BCL9: variants seen among roughly 807,000 people sequenced by gnomAD.
BCL9 encodes B-cell CLL/lymphoma 9 protein.
Under a neutral mutation model 88.5 loss-of-function variants are expected in BCL9, and 25 were observed. The observed-to-expected ratio is 0.28, with a 90% confidence interval of 0.21 to 0.39. BCL9 has a LOEUF of 0.39. Among genes scored for constraint, BCL9 ranks in the 10% least tolerant of loss-of-function variants. The probability of loss-of-function intolerance (pLI) is 1.00; values close to 1 mark genes in which losing one functional copy is unlikely to be tolerated. For missense variants in BCL9, 1,817 were observed against 1,877.8 expected (o/e 0.97, Z 0.60); for synonymous variants, 711 against 673.3 (o/e 1.06, Z -0.87).
At chr1:147,606,624 T>G (rs1657723171) in intron 2 of BCL9, among the ~76,000 whole-genome samples, 160 bp from the exon 3 acceptor site, 2 of 152,180 alleles carry the variant, frequency 1.3e-5, no homozygotes, top group Admixed American at 1.3e-4. Flanking sequence ...CTTCAAAAAT[T>G]GGGAGTTGAT....
chr1:147,593,843 T>C (rs1656940493), intron 1 of BCL9, among the ~76,000 whole-genome samples: 1 of 152,226 alleles, frequency 6.6e-6, no homozygotes, highest in Non-Finnish European at 1.5e-5. Flanking sequence ...GATTCTGCTC[T>C]TGGGATATGG....
At chr1:147,605,987 C>G (rs1486948326) in intron 2 of BCL9, among the ~76,000 whole-genome samples, 1 of 152,180 alleles carries the variant, frequency 6.6e-6, no homozygotes, top group Non-Finnish European at 1.5e-5. Context: ...GTGAATTTAA[C>G]AACTTAATGG....
At chr1:147,612,383 G>T (rs1269148222) in intron 4 of BCL9, among the ~76,000 whole-genome samples, 2 of 152,188 alleles carry the variant, frequency 1.3e-5, no homozygotes, top group Non-Finnish European at 2.9e-5. Flanking sequence ...AATACTGCTT[G>T]TTGGGAGGGA....
intron 1 of BCL9, among the ~76,000 whole-genome samples, chr1:147,544,147 A>G (rs587608010): frequency 6.6e-5 from 10 of 152,344 alleles, no homozygotes; most frequent in South Asian, 2.1e-4. Context: ...TCTTGTTGGT[A>G]TGATCAACAT....
intron 7 of BCL9, among the ~76,000 whole-genome samples, chr1:147,616,593 C>T (rs1439351171): frequency 2.6e-5 from 4 of 152,016 alleles, no homozygotes; most frequent in African/African-American, 7.3e-5. Flanking sequence ...CAGTGAAACC[C>T]CGTCTTTACT....
At chr1:147,581,864 C>T (rs1439067262) in intron 1 of BCL9, among the ~76,000 whole-genome samples, 3 of 152,106 alleles carry the variant, frequency 2.0e-5, no homozygotes, top group Non-Finnish European at 4.4e-5. Flanking sequence ...TTCTGCTTTT[C>T]TTCTCTGACT....
chr1:147,611,394 C>T (rs1426134185), intron 3 of BCL9, among the ~76,000 whole-genome samples, 184 bp from the exon 4 acceptor site: 1 of 152,198 alleles, frequency 6.6e-6, no homozygotes, highest in Non-Finnish European at 1.5e-5. Flanking sequence ...AGTCACCCTC[C>T]AGCTGGTGTG....
chr1:147,618,967 C>A lies in BCL9; in HGVS notation c.812C>A (p.Pro271Gln), dbSNP rs782092791. The change falls in exon 8 of 10, where the codon CCA becomes CAA. Residue 271 changes from proline to glutamine, a missense_variant. By Grantham distance (76) the Pro-to-Gln change is moderately conservative. Transcript: ENST00000234739. ...PAPAPKPAAP[P>Q]RPLDRESPGV... ...CCAGCACCCAAGCCTGCCGCACCCC[C>A]ACGTCCCCTGGACCGGGAGAGTCCT... 2.0e-5 allele frequency: 33 copies of A among 1,613,724 alleles called. No homozygotes were observed. In the Admixed American group the frequency reaches 4.7e-4, roughly 23 times the overall value.
chr1:147,623,831 T>G lies in BCL9; in HGVS notation c.3164-11T>G, dbSNP rs782331403. The G allele has an allele frequency of 3.8e-6, 6 of 1,597,764 alleles. No individual in the cohort carries two copies. The highest frequency in any genetic ancestry group is 3.3e-4 in the Middle Eastern group (2 of 5,980). ...GTTAAGTTGATTCCTTTGATATCTTTATTTTTCTAGGAATGGGCATTAATA... is the reference window on the plus strand; with the variant it reads ...GTTAAGTTGATTCCTTTGATATCTTGATTTTTCTAGGAATGGGCATTAATA... On this transcript the variant is annotated splice_polypyrimidine_tract_variant and intron_variant, in intron 9 of 9. Transcript: ENST00000234739.
chr1:147,556,697 C>T (rs1655131957), intron 1 of BCL9, among the ~76,000 whole-genome samples: 1 of 152,078 alleles, frequency 6.6e-6, no homozygotes, highest in Non-Finnish European at 1.5e-5. Flanking sequence ...GATCCTCCCA[C>T]CTTGGCCCCC....
chr1:147,545,370 T>C (rs656323), intron 1 of BCL9, among the ~76,000 whole-genome samples: 25,679 of 152,162 alleles, frequency 0.17, 2,284 homozygotes, highest in Middle Eastern at 0.29. Flanking sequence ...GAGCTGCCTC[T>C]TGGGGAGGCA....
rs587646207 is a variant in BCL9, at chr1:147,625,061, A to G, written c.*102A>G. 8 of 1,420,832 alleles carry G rather than the reference A, an allele frequency of 5.6e-6. No homozygotes were observed. Among genetic ancestry groups the G allele is most frequent in the Admixed American group, 2.4e-5 (1 of 41,226 alleles). The allele number at this position is 1,420,832 out of a possible 1,614,324, so 88.0% of individuals were successfully genotyped here. On this transcript the variant is annotated 3_prime_UTR_variant, in exon 10 of 10. Coordinates refer to ENST00000234739, the MANE Select transcript of BCL9 (RefSeq NM_004326.4). ...GAGTACTTACTATTGGTCATGCAAT[A>G]GGAGAACAGAGACCCGAGGGCTGCT... is the stretch of plus-strand genomic sequence containing the variant.
In BCL9 at chr1:147,625,505, T is replaced by C. The variant is rs1658897316; in HGVS notation, c.*546T>C. On this transcript the variant is annotated 3_prime_UTR_variant, in exon 10 of 10. Transcript: ENST00000234739. ...TTGGACTATTTTCTTTCAACTGCAG[T>C]GTATAGAAAAACCAAACTACGACCT... The C allele has an allele frequency of 4.9e-6, 1 of 204,146 alleles. No individual in the cohort carries two copies. The highest frequency in any genetic ancestry group is 7.1e-5 in the East Asian group (1 of 14,118). The allele number at this position is 204,146 out of a possible 1,614,324, so 12.6% of individuals were successfully genotyped here.
intron 1 of BCL9, among the ~76,000 whole-genome samples, chr1:147,594,163 T>C (rs898976792): frequency 6.6e-6 from 1 of 152,160 alleles, no homozygotes; most frequent in Non-Finnish European, 1.5e-5. Context: ...AAAATGGTGG[T>C]ATACATAAAC....
At chr1:147,599,322 G>T (rs1553200818) in intron 1 of BCL9, among the ~76,000 whole-genome samples, 3 of 152,250 alleles carry the variant, frequency 2.0e-5, no homozygotes, top group African/African-American at 7.2e-5. Context: ...CAGGAAAGCG[G>T]GGTGGAACTG....
intron 1 of BCL9, among the ~76,000 whole-genome samples, chr1:147,552,463 A>AGGC (rs1252836833): frequency 1.3e-5 from 2 of 152,050 alleles, no homozygotes; most frequent in African/African-American, 4.8e-5. Context: ...AAAATTAGCC[A>AGGC]GGCGTGGTGG....
At chr1:147,593,055 C>G (rs976065599) in intron 1 of BCL9, among the ~76,000 whole-genome samples, 4 of 152,184 alleles carry the variant, frequency 2.6e-5, no homozygotes, top group African/African-American at 9.7e-5. Flanking sequence ...GAGAAACAAA[C>G]CTAGATATTA....
At chr1:147,572,396 G>A (rs1426806241) in intron 1 of BCL9, among the ~76,000 whole-genome samples, 1 of 152,228 alleles carries the variant, frequency 6.6e-6, no homozygotes, top group African/African-American at 2.4e-5. Context: ...AGGTTCCTAA[G>A]AGACAAGTGA....
chr1:147,600,041 T>G (rs1657284211), intron 1 of BCL9, among the ~76,000 whole-genome samples: 1 of 132,888 alleles, frequency 7.5e-6, no homozygotes, highest in Non-Finnish European at 1.6e-5. Flanking sequence ...TCCGCTCGCG[T>G]CCGAGGCGGG....
Sources: allele counts gnomAD v4.1 joint callset (sites outside exome capture counted in the v4.1 genomes callset), GRCh38; gene constraint gnomAD v4.1.1; transcripts MANE v1.5; gene names NCBI Gene and HGNC (gene_info 2026-07-23, HGNC 2026-07-21).